The following RUNX1T1 variants were observed in gnomAD, a reference collection of about 807,000 sequenced individuals.
RUNX1T1 encodes RUNX1 partner transcriptional co-repressor 1.
Under a neutral mutation model 62.8 loss-of-function variants are expected in RUNX1T1, and 4 were observed. The observed-to-expected ratio is 0.06, with a 90% confidence interval of 0.03 to 0.15. RUNX1T1 has a LOEUF of 0.15. Among genes scored for constraint, RUNX1T1 ranks in the 10% least tolerant of loss-of-function variants. RUNX1T1 has a pLI of 1.00. For synonymous variants in RUNX1T1, 291 were observed against 286.0 expected, an observed-to-expected ratio of 1.02 and a Z score of -0.18; for missense variants, 508 against 754.3, an observed-to-expected ratio of 0.67 and a Z score of 3.82.
chr8:92,083,611 G>A (rs559647926), intron 1 of RUNX1T1, among the ~76,000 whole-genome samples: 34 of 152,176 alleles, frequency 2.2e-4, no homozygotes, highest in Non-Finnish European at 4.4e-4. Context: ...AGATACTGGA[G>A]AGGATGTGGA....
intron 1 of RUNX1T1, among the ~76,000 whole-genome samples, chr8:92,025,790 A>G (rs1326582563): frequency 6.6e-6 from 1 of 152,238 alleles, no homozygotes; most frequent in Non-Finnish European, 1.5e-5. Flanking sequence ...CTCATCATCC[A>G]AAAAGAATTC....
chr8:91,982,959 G>A (rs1222176822), intron 8 of RUNX1T1, among the ~76,000 whole-genome samples: 4 of 105,032 alleles, frequency 3.8e-5, no homozygotes, highest in African/African-American at 1.5e-4. Flanking sequence ...ACAGAGTCTT[G>A]CCCTGTCGTC....
At chr8:92,101,648 G>T (rs574997310), upstream of RUNX1T1, among the ~76,000 whole-genome samples, 1 of 152,322 alleles carries the variant, frequency 6.6e-6, no homozygotes, top group South Asian at 2.1e-4. Context: ...GGGAGAGGGG[G>T]AGGGAAGGCG....
upstream of RUNX1T1, among the ~76,000 whole-genome samples, chr8:92,102,045 C>G (rs1253030560): frequency 6.6e-6 from 1 of 152,230 alleles, no homozygotes; most frequent in East Asian, 1.9e-4. The surrounding 1 kb of genome is among the most constrained non-coding windows in gnomAD (Gnocchi z 4.5). Context: ...GTTGTGCTCC[C>G]CACTCAGAAG....
Position 92,086,340 on chromosome 8 carries a change from GAAGTT to G in RUNX1T1, c.-85-10208_-85-10204del, listed in dbSNP as rs1278793990. Reference sequence around the variant, plus strand: ...AAAGCAGGCTGCACTGGTCAAATGAGAAGTTAAGGGTCCCAGAACCCAGCCCACCT... The same window carrying G: ...AAAGCAGGCTGCACTGGTCAAATGAGAAGGGTCCCAGAACCCAGCCCACCT... On this transcript the variant is annotated intron_variant, in intron 1 of 11. Transcript: ENST00000265814. Among the ~76,000 whole-genome samples, 5 of 152,202 alleles carry G rather than the reference GAAGTT, an allele frequency of 3.3e-5. No homozygotes were observed. In the East Asian group the frequency reaches 7.7e-4, roughly 23 times the overall value.
At chr8:91,976,511 G>A (rs1813980855) in intron 8 of RUNX1T1, among the ~76,000 whole-genome samples, 1 of 152,124 alleles carries the variant, frequency 6.6e-6, no homozygotes. Flanking sequence ...TAGATCATAT[G>A]GATTTGACAT....
At chr8:91,979,243 T>C (rs1814651534) in intron 8 of RUNX1T1, among the ~76,000 whole-genome samples, 1 of 152,102 alleles carries the variant, frequency 6.6e-6, no homozygotes, top group Admixed American at 6.6e-5. Flanking sequence ...AATATCAAAA[T>C]CTATATAGGG....
At chr8:92,017,892 A>G (rs1229827255) in intron 1 of RUNX1T1, among the ~76,000 whole-genome samples, 1 of 152,164 alleles carries the variant, frequency 6.6e-6, no homozygotes, top group Non-Finnish European at 1.5e-5. Flanking sequence ...CATATTTCGC[A>G]TTTCAATTTT....
chr8:92,007,592 A>G (rs1469954482), intron 4 of RUNX1T1, among the ~76,000 whole-genome samples: 1 of 152,140 alleles, frequency 6.6e-6, no homozygotes, highest in Non-Finnish European at 1.5e-5. Context: ...TAAACCTAGT[A>G]CTACACACCT....
At chr8:92,061,576 A>T (rs1832034825) in intron 1 of RUNX1T1, among the ~76,000 whole-genome samples, 1 of 152,208 alleles carries the variant, frequency 6.6e-6, no homozygotes, top group African/African-American at 2.4e-5. Context: ...GATGGACGAG[A>T]CACATCCTAA....
At chr8:91,987,017 ACAACC>A (rs1563679847) in intron 6 of RUNX1T1, 45 bp from the exon 8 acceptor site, 1 of 1,252,538 alleles carries the variant, frequency 8.0e-7, no homozygotes, top group Admixed American at 1.7e-5. Flanking sequence ...CATTCAGTAC[ACAACC>A]CATAAACACA....
chr8:92,003,153 C>T (rs1433956296), intron 5 of RUNX1T1: 1 of 230,762 alleles, frequency 4.3e-6, no homozygotes, highest in Non-Finnish European at 9.1e-6. Context: ...GAAAATCAGA[C>T]CAAAGACTCT....
chr8:91,992,880 C>T (rs1190309390), intron 5 of RUNX1T1, among the ~76,000 whole-genome samples: 1 of 152,156 alleles, frequency 6.6e-6, no homozygotes, highest in Non-Finnish European at 1.5e-5. Context: ...TTCCTTGATT[C>T]TCAAATAAAA....
At chr8:92,036,460 AT>A (rs1827431562) in intron 1 of RUNX1T1, among the ~76,000 whole-genome samples, 1 of 152,226 alleles carries the variant, frequency 6.6e-6, no homozygotes, top group Non-Finnish European at 1.5e-5. Context: ...AAGGGATAGA[AT>A]TTTTGGAATG....
rs139246808 is a variant in RUNX1T1, at chr8:92,034,467, G to A, written c.8-17104C>T. ...TCCCAAAGACAAATTTGAACAGCCT[G>A]TGACTTATATTAGCAAATTCTTTAC... On this transcript the variant is annotated intron_variant, in intron 1 of 10. Coordinates refer to ENST00000396218, the Ensembl canonical transcript of RUNX1T1. Among the ~76,000 whole-genome samples, 647 of 152,204 alleles carry A rather than the reference G, an allele frequency of 4.3e-3. 3 individuals carry two copies. Among genetic ancestry groups the A allele is most frequent in the African/African-American group, 0.012 (506 of 41,516 alleles).
At chr8:92,008,593 C>T (rs1198725456) in intron 4 of RUNX1T1, among the ~76,000 whole-genome samples, 1 of 152,062 alleles carries the variant, frequency 6.6e-6, no homozygotes, top group Admixed American at 6.6e-5. Flanking sequence ...CTCAGAGAGA[C>T]AAATTCCTGA....
At chr8:92,074,744 CATGGGAG>C (rs1442945862) in intron 2 of RUNX1T1, among the ~76,000 whole-genome samples, 2 of 152,182 alleles carry the variant, frequency 1.3e-5, no homozygotes, top group Non-Finnish European at 2.9e-5. Flanking sequence ...GAGAAGTAGT[CATGGGAG>C]ATGTCTCAAC....
At chr8:92,032,726 C>G (rs1826496958) in intron 1 of RUNX1T1, among the ~76,000 whole-genome samples, 1 of 152,150 alleles carries the variant, frequency 6.6e-6, no homozygotes, top group Non-Finnish European at 1.5e-5. Context: ...CTCCAGTGAG[C>G]TATGATCACG....
At chr8:92,017,490 T>TA in intron 1 of RUNX1T1, 127 bp from the exon 3 acceptor site, 1 of 1,550,052 alleles carries the variant, frequency 6.5e-7, no homozygotes, top group African/African-American at 1.4e-5. Context: ...AAAATACACT[T>TA]ATCTACTGAC....
Sources: allele counts gnomAD v4.1 joint callset (sites outside exome capture counted in the v4.1 genomes callset), GRCh38; gene constraint gnomAD v4.1.1; non-coding constraint Gnocchi (gnomAD v3.1); transcripts MANE v1.5; gene names NCBI Gene and HGNC (gene_info 2026-07-23, HGNC 2026-07-21).